ST7L: variants seen among roughly 807,000 people sequenced by gnomAD.
The protein encoded by ST7L is suppressor of tumorigenicity 7 protein-like.
ST7L carries 57 observed loss-of-function variants against 72.5 expected under a neutral mutation model. The observed-to-expected ratio is 0.79, with a 90% confidence interval of 0.64 to 0.98. The LOEUF (loss-of-function observed/expected upper bound fraction) is 0.98. ST7L is among the 50% of genes least tolerant of loss of function. ST7L has a pLI of 0.00. For synonymous variants in ST7L, 221 were observed against 240.9 expected, an observed-to-expected ratio of 0.92 and a Z score of 0.77; for missense variants, 576 against 672.2, an observed-to-expected ratio of 0.86 and a Z score of 1.58.
intron 7 of ST7L, 113 bp from the exon 8 acceptor site, chr1:112,582,585 T>G (rs970493816): frequency 3.6e-6 from 2 of 555,224 alleles, no homozygotes; most frequent in Non-Finnish European, 6.1e-6. Flanking sequence ...CAATTAAAAT[T>G]AAATTGTGTC....
chr1:112,530,839 A>T (rs1654278556), intron 14 of ST7L, among the ~76,000 whole-genome samples: 1 of 152,232 alleles, frequency 6.6e-6, no homozygotes, highest in Non-Finnish European at 1.5e-5. Context: ...AGAGAAAATA[A>T]TACTGGTGGT....
intron 11 of ST7L, among the ~76,000 whole-genome samples, chr1:112,562,706 C>G (rs1660373483): frequency 6.6e-6 from 1 of 152,100 alleles, no homozygotes; most frequent in African/African-American, 2.4e-5. Flanking sequence ...GAGACAGATA[C>G]TGGCCCAGAA....
chr1:112,614,676 G>A (rs1343217963), intron 2 of ST7L, among the ~76,000 whole-genome samples: 1 of 152,084 alleles, frequency 6.6e-6, no homozygotes, highest in Non-Finnish European at 1.5e-5. Flanking sequence ...GCTGGGCATG[G>A]TGGTTCACGC....
In ST7L at chr1:112,555,949, T is replaced by A. The variant is rs374776541; in HGVS notation, c.1315A>T (p.Ile439Phe). 44 of 1,612,572 alleles carry A rather than the reference T, an allele frequency of 2.7e-5. No homozygotes were observed. The highest frequency in any genetic ancestry group is 3.5e-5 in the Non-Finnish European group (41 of 1,179,066). Residue 439 changes from isoleucine (I) to phenylalanine (F), a missense_variant, in exon 12 of 15, where the codon ATT becomes TTT. Physicochemically the swap from Ile to Phe is conservative, Grantham distance 21 (BLOSUM62 0). Around this residue, in one of 3 missense-constraint regions of ST7L, gnomAD observed 511 missense variants for 600.7 expected, o/e 0.85. Transcript: ENST00000358039. ...TGAAGATGAAAGAAAGCATAGGCAA[T>A]TGCTTCACTATCACCCCGTTTCAGA... ...HILKRGDSEA[I>F]AYAFFHLQHW...
At chr1:112,578,012 T>C (rs1251718778) in intron 10 of ST7L, among the ~76,000 whole-genome samples, 1 of 150,534 alleles carries the variant, frequency 6.6e-6, no homozygotes, top group Non-Finnish European at 1.5e-5. Flanking sequence ...ACTTTCTTTC[T>C]AGATATTGCT....
chr1:112,520,279 G>A, downstream of ST7L: 1 of 1,613,416 alleles, frequency 6.2e-7, no homozygotes, highest in Non-Finnish European at 8.5e-7. Context: ...CCCCAACCCA[G>A]GTTCCCTAGG....
chr1:112,602,682 T>A (rs957296895), intron 3 of ST7L, among the ~76,000 whole-genome samples: 4 of 152,090 alleles, frequency 2.6e-5, no homozygotes, highest in Non-Finnish European at 5.9e-5. Context: ...TTAACGGTTA[T>A]TTAGATGGGT....
At chr1:112,600,624 A>C (rs1179688172) in intron 4 of ST7L, among the ~76,000 whole-genome samples, 170 bp downstream of exon 4, 2 of 152,102 alleles carry the variant, frequency 1.3e-5, no homozygotes, top group South Asian at 4.1e-4. Flanking sequence ...AAAAAAAAGT[A>C]AACACAGTGA....
At chr1:112,569,231 AATTGAAAAATT>A (rs1661639684) in intron 11 of ST7L, among the ~76,000 whole-genome samples, 1 of 152,210 alleles carries the variant, frequency 6.6e-6, no homozygotes, top group Non-Finnish European at 1.5e-5. Context: ...TACTTGAGAG[AATTGAAAAATT>A]TATGTTCACA....
intron 6 of ST7L, among the ~76,000 whole-genome samples, chr1:112,584,552 A>T (rs1189817443): frequency 6.6e-6 from 1 of 152,034 alleles, no homozygotes; most frequent in Non-Finnish European, 1.5e-5. Flanking sequence ...CAATGGCCCA[A>T]TCTTGGCTCA....
chr1:112,543,048 C>T (rs971125489), intron 13 of ST7L, among the ~76,000 whole-genome samples: 1 of 152,104 alleles, frequency 6.6e-6, no homozygotes, highest in African/African-American at 2.4e-5. Context: ...GATCCGTCCA[C>T]CTCGGCCTCC....
At chr1:112,596,403 G>A (rs1666488129) in intron 5 of ST7L, among the ~76,000 whole-genome samples, 1 of 152,106 alleles carries the variant, frequency 6.6e-6, no homozygotes, top group South Asian at 2.1e-4. Context: ...TTTGAAACAT[G>A]GTTTTATCAA....
At chr1:112,578,275 T>C in intron 10 of ST7L, 70 bp downstream of exon 10, 1 of 1,379,082 alleles carries the variant, frequency 7.3e-7, no homozygotes, top group South Asian at 1.2e-5. Context: ...TTGTTTAAAG[T>C]CAGTAGAGGA....
In ST7L at chr1:112,613,179, A is replaced by T. The variant is rs189468760; in HGVS notation, c.289-2176T>A. ...CAACAACAACACACTTCCCTTCACCATACAAAGTGCAGGTGGGTTTTCTAA... is the reference window on the plus strand; with the variant it reads ...CAACAACAACACACTTCCCTTCACCTTACAAAGTGCAGGTGGGTTTTCTAA... On this transcript the variant is annotated intron_variant, in intron 2 of 14. Transcript: ENST00000358039. 2.2e-3 allele frequency among the ~76,000 whole-genome samples: 335 copies of T among 152,260 alleles called. 2 individuals are homozygous for T. The highest frequency in any genetic ancestry group is 6.5e-3 in the Admixed American group (99 of 15,280).
chr1:112,592,006 C>A (rs528375942), intron 5 of ST7L, among the ~76,000 whole-genome samples: 1 of 150,564 alleles, frequency 6.6e-6, no homozygotes, highest in South Asian at 2.1e-4. Context: ...TAAAAATATA[C>A]AAAAACTTAA....
At chr1:112,541,920 A>C (rs1437791719) in intron 14 of ST7L, 31 bp downstream of exon 14, 1 of 1,606,450 alleles carries the variant, frequency 6.2e-7, no homozygotes, top group Non-Finnish European at 8.5e-7. Flanking sequence ...TTTTACAAAT[A>C]ATCTACACAA....
At chr1:112,559,697 T>C (rs1234268535) in intron 11 of ST7L, among the ~76,000 whole-genome samples, 2 of 152,174 alleles carry the variant, frequency 1.3e-5, no homozygotes, top group South Asian at 4.1e-4. Flanking sequence ...AAAATCTTCC[T>C]TGGCTGGGCG....
chr1:112,596,003 C>A (rs1033986290), intron 5 of ST7L, among the ~76,000 whole-genome samples: 1 of 151,948 alleles, frequency 6.6e-6, no homozygotes, highest in African/African-American at 2.4e-5. Context: ...CTGACGTTTG[C>A]AATTCAGTGT....
At chr1:112,600,102 G>A (rs895737348) in intron 4 of ST7L, among the ~76,000 whole-genome samples, 1 of 152,006 alleles carries the variant, frequency 6.6e-6, no homozygotes, top group Non-Finnish European at 1.5e-5. Flanking sequence ...GTGCAATGGC[G>A]TCATCTCAGC....
Sources: allele counts gnomAD v4.1 joint callset (sites outside exome capture counted in the v4.1 genomes callset), GRCh38; gene constraint gnomAD v4.1.1; regional missense constraint gnomAD v4.1.1; transcripts MANE v1.5; gene names NCBI Gene and HGNC (gene_info 2026-07-23, HGNC 2026-07-21).